Variants in INSIG2 observed in about 807,000 individuals in gnomAD.
The protein encoded by INSIG2 is insulin-induced gene 2 protein.
A neutral mutation model predicts 27.2 loss-of-function variants in INSIG2; 10 were observed. That is an observed-to-expected ratio of 0.37 (90% CI 0.23 to 0.62). The LOEUF is 0.62. Among genes scored for constraint, INSIG2 ranks in the 20% least tolerant of loss-of-function variants. INSIG2 has a pLI of 0.65. For missense variants in INSIG2, 178 were observed against 270.2 expected, an observed-to-expected ratio of 0.66 and a Z score of 2.39; for synonymous variants, 97 against 95.8, an observed-to-expected ratio of 1.01 and a Z score of -0.07.
chr2:118,096,584 G>A lies in INSIG2; in HGVS notation c.28G>A (p.Gly10Arg), dbSNP rs776015789. 3.7e-6 allele frequency: 6 copies of A among 1,613,604 alleles called. No individual in the cohort carries two copies. The South Asian group carries it at 6.6e-5, about 18-fold the overall frequency. The change falls in exon 2 of 6, where the codon GGG becomes AGG. Residue 10 changes from glycine to arginine, a missense_variant. Physicochemically the swap from Gly to Arg is moderately radical, Grantham distance 125. Transcript: ENST00000245787. ...GGCAGAAGGAGAGACAGAGTCACCT[G>A]GGCCCAAAAAGTGTGGCCCATATAT... is the stretch of plus-strand genomic sequence containing the variant. MAEGETESP[G>R]PKKCGPYISS...
At chr2:118,103,633 C>T (rs887183079) in intron 3 of INSIG2, among the ~76,000 whole-genome samples, 1 of 152,114 alleles carries the variant, frequency 6.6e-6, no homozygotes, top group Non-Finnish European at 1.5e-5. Context: ...GGAACAGGTA[C>T]ATTTTCAGAG....
At position 118,109,723 on chromosome 2, in the gene INSIG2, G is replaced by T. The variant is rs1678767860; in HGVS notation, c.*1401G>T. On this transcript the variant is annotated 3_prime_UTR_variant, in exon 6 of 6. Transcript: ENST00000245787. Reference sequence around the variant, plus strand: ...GTTTTAAAGCAATTACTATCAGACTGAGATCTTGTATGCCAAACTTTAATC... The same window carrying T: ...GTTTTAAAGCAATTACTATCAGACTTAGATCTTGTATGCCAAACTTTAATC... 6.6e-6 allele frequency: 1 copy of T among 151,972 alleles called. No individual in the cohort carries two copies. The highest frequency in any genetic ancestry group is 6.6e-5 in the Admixed American group (1 of 15,156). The allele number at this position is 151,972 out of a possible 1,614,324, so 9.4% of individuals were successfully genotyped here. A position where few individuals can be genotyped will look rare whatever the true frequency, so the allele number is the denominator to read the frequency against.
rs1678753340 is a variant in INSIG2, at chr2:118,109,230, A to C, written c.*908A>C. 1 of 152,230 alleles carries C rather than the reference A, an allele frequency of 6.6e-6. No homozygotes were observed. The highest frequency in any genetic ancestry group is 1.5e-5 in the Non-Finnish European group (1 of 68,042). The allele number at this position is 152,230 out of a possible 1,614,324, so 9.4% of individuals were successfully genotyped here. On this transcript the variant is annotated 3_prime_UTR_variant, in exon 6 of 6. Coordinates refer to ENST00000245787, the MANE Select transcript of INSIG2 (RefSeq NM_016133.4). ...ATATAGGAAACTCCAAACAGATCACAATGAGGTTTCTAAATCTGTTGGGTT... is the reference window on the plus strand; with the variant it reads ...ATATAGGAAACTCCAAACAGATCACCATGAGGTTTCTAAATCTGTTGGGTT...
At chr2:118,107,004 C>T (rs1246464041) in intron 4 of INSIG2, 86 bp from the exon 5 acceptor site, 18 of 1,489,552 alleles carry the variant, frequency 1.2e-5, no homozygotes, top group South Asian at 3.5e-5. Context: ...CCAGTTTAAT[C>T]TACAGAGTAG....
chr2:118,090,328 A>G (rs1429137396), intron 1 of INSIG2, among the ~76,000 whole-genome samples: 2 of 152,192 alleles, frequency 1.3e-5, no homozygotes, highest in East Asian at 1.9e-4. Flanking sequence ...AGTTGTTACA[A>G]TGCAACAGGT....
intron 1 of INSIG2, among the ~76,000 whole-genome samples, chr2:118,094,182 G>GAT (rs1678350010): frequency 8.7e-6 from 1 of 114,678 alleles, no homozygotes; most frequent in African/African-American, 3.3e-5. Context: ...ATGATGATGA[G>GAT]GAGGAGGAGG....
rs2104546210 is a variant in INSIG2 at position 118,110,978 on chromosome 2, TA to T, written c.*2659del. 1 of 152,366 alleles carries T rather than the reference TA, an allele frequency of 6.6e-6. No homozygotes were observed. Among genetic ancestry groups the T allele is most frequent in the South Asian group, 2.1e-4 (1 of 4,826 alleles). The allele number at this position is 152,366 out of a possible 1,614,324, so 9.4% of individuals were successfully genotyped here. On this transcript the variant is annotated 3_prime_UTR_variant, in exon 6 of 6. Transcript: ENST00000245787. ...AGAAGTCAGACTTGGTTAATACCAA[TA>T]AATACTTCTGTAATCCTATTGGCTC...
chr2:118,093,717 A>G (rs1160372314), intron 1 of INSIG2, among the ~76,000 whole-genome samples: 1 of 117,174 alleles, frequency 8.5e-6, no homozygotes, highest in African/African-American at 3.4e-5. Context: ...AACCTTGCCA[A>G]GAGCAACCAG....
chr2:118,102,364 A>G (rs1023777956), intron 2 of INSIG2, among the ~76,000 whole-genome samples: 13 of 152,366 alleles, frequency 8.5e-5, no homozygotes, highest in South Asian at 2.1e-4. Context: ...TTGACATTTT[A>G]TATACAGTTA....
At chr2:118,089,932 C>A (rs761617862) in intron 1 of INSIG2, among the ~76,000 whole-genome samples, 1 of 152,158 alleles carries the variant, frequency 6.6e-6, no homozygotes, top group Non-Finnish European at 1.5e-5. Flanking sequence ...AGCTAACTTA[C>A]TGGTTTCTAT....
At chr2:118,096,858 C>T (rs887315088) in intron 2 of INSIG2, 58 bp downstream of exon 2, 29 of 1,542,694 alleles carry the variant, frequency 1.9e-5, no homozygotes, top group African/African-American at 1.1e-4. Context: ...TGAGTATGGA[C>T]GTTGTCTGAG....
rs1331616893 is a variant in INSIG2 at position 118,093,941 on chromosome 2, TGAGGAGGAGGAG to T, written c.-138-2456_-138-2445del. Among the ~76,000 whole-genome samples, 38 of 7,068 alleles carry T rather than the reference TGAGGAGGAGGAG, an allele frequency of 5.4e-3. 4 individuals carry two copies. Among genetic ancestry groups the T allele is most frequent in the Admixed American group, 0.033 (13 of 396 alleles). The allele number at this position is 7,068 out of a possible 152,430, so 4.6% of individuals were successfully genotyped here. A position where few individuals can be genotyped will look rare whatever the true frequency, so the allele number is the denominator to read the frequency against. ...AGCAACCAGATGATGATGATGATGATGAGGAGGAGGAGGAGGAGGAGGAGGAGGAGGAGAGTT... is the reference window on the plus strand; with the variant it reads ...AGCAACCAGATGATGATGATGATGATGAGGAGGAGGAGGAGGAGGAGAGTT... On this transcript the variant is annotated intron_variant, in intron 1 of 5. Coordinates refer to ENST00000245787, the MANE Select transcript of INSIG2 (RefSeq NM_016133.4).
At chr2:118,094,079 G>A (rs71338919) in intron 1 of INSIG2, among the ~76,000 whole-genome samples, 10 of 87,616 alleles carry the variant, frequency 1.1e-4, no homozygotes, top group Non-Finnish European at 1.7e-4. Flanking sequence ...GAACCTTGCT[G>A]AAAGCAACCA....
chr2:118,106,380 G>T (rs2104540008), intron 3 of INSIG2, among the ~76,000 whole-genome samples: 1 of 152,302 alleles, frequency 6.6e-6, no homozygotes, highest in Non-Finnish European at 1.5e-5. Context: ...AGTGATACTT[G>T]TGTTCTGAGG....
chr2:118,100,356 G>A (rs542737975), intron 2 of INSIG2, among the ~76,000 whole-genome samples: 14 of 143,332 alleles, frequency 9.8e-5, no homozygotes, highest in African/African-American at 3.1e-4. Context: ...AATTGGAATC[G>A]TATCTTACTC....
chr2:118,107,444 G>A (rs1174757455), intron 5 of INSIG2, among the ~76,000 whole-genome samples: 4 of 152,154 alleles, frequency 2.6e-5, no homozygotes, highest in African/African-American at 7.2e-5. Context: ...GATATTAGTG[G>A]TTTTTAAAAA....
intron 5 of INSIG2, among the ~76,000 whole-genome samples, chr2:118,107,831 T>C (rs1013173382): frequency 2.0e-5 from 3 of 152,202 alleles, no homozygotes; most frequent in African/African-American, 7.2e-5. Flanking sequence ...AAGCTTTTGT[T>C]AATGTAACAG....
At chr2:118,105,730 G>A (rs1678657186) in intron 3 of INSIG2, among the ~76,000 whole-genome samples, 2 of 152,170 alleles carry the variant, frequency 1.3e-5, no homozygotes, top group Admixed American at 6.5e-5. Context: ...GTTAAAGGAA[G>A]TGGGAAATGG....
chr2:118,104,086 A>T (rs2104536941), intron 3 of INSIG2, among the ~76,000 whole-genome samples: 1 of 152,258 alleles, frequency 6.6e-6, no homozygotes, highest in African/African-American at 2.4e-5. Flanking sequence ...GGAACTAGGA[A>T]ATGCTATTCC....
Sources: allele counts gnomAD v4.1 joint callset (sites outside exome capture counted in the v4.1 genomes callset), GRCh38; gene constraint gnomAD v4.1.1; transcripts MANE v1.5; gene names NCBI Gene and HGNC (gene_info 2026-07-23, HGNC 2026-07-21).